Variants in STRBP observed in about 807,000 individuals in gnomAD.
STRBP encodes the protein spermatid perinuclear RNA-binding protein.
In STRBP, 13 loss-of-function variants were observed where a neutral mutation model predicts 80.1. That is an observed-to-expected ratio of 0.16 (90% CI 0.11 to 0.26). The LOEUF (loss-of-function observed/expected upper bound fraction) is 0.26, where lower values mean the gene tolerates loss of function less well. Ranked by LOEUF, STRBP falls within the 10% of genes least tolerant of loss-of-function variation. The pLI, the probability that STRBP is intolerant of heterozygous loss-of-function variation, is 1.00. For missense variants in STRBP, 485 were observed against 815.2 expected, an observed-to-expected ratio of 0.59 and a Z score of 4.93; for synonymous variants, 284 against 291.2, an observed-to-expected ratio of 0.98 and a Z score of 0.25.
chr9:123,157,046 G>A (rs1471979875), intron 11 of STRBP, among the ~76,000 whole-genome samples: 2 of 152,094 alleles, frequency 1.3e-5, no homozygotes, highest in Non-Finnish European at 2.9e-5. Flanking sequence ...TAAGAAAGAG[G>A]GTAATATCCC....
At chr9:123,175,283 CA>C (rs2038172968) in intron 4 of STRBP, among the ~76,000 whole-genome samples, 1 of 152,174 alleles carries the variant, frequency 6.6e-6, no homozygotes, top group African/African-American at 2.4e-5. Context: ...AGATGTCAAG[CA>C]AGGCAAACTG....
chr9:123,186,311 GC>G (rs2038696558), intron 2 of STRBP, among the ~76,000 whole-genome samples: 1 of 152,096 alleles, frequency 6.6e-6, no homozygotes, highest in Non-Finnish European at 1.5e-5. Flanking sequence ...ACACACCACT[GC>G]CCTCCAGCCT....
At chr9:123,147,301 G>C (rs1425468614) in intron 12 of STRBP, among the ~76,000 whole-genome samples, 2 of 152,028 alleles carry the variant, frequency 1.3e-5, no homozygotes, top group African/African-American at 4.8e-5. Context: ...AAGCAAAAAA[G>C]CTTGGAAACA....
At chr9:123,181,548 G>A in intron 3 of STRBP, among the ~76,000 whole-genome samples, 1 of 151,664 alleles carries the variant, frequency 6.6e-6, no homozygotes, top group Non-Finnish European at 1.5e-5. Context: ...TGTAATCCCA[G>A]CACTTTGGGA....
At chr9:123,218,427 T>G (rs892700673) in intron 2 of STRBP, among the ~76,000 whole-genome samples, 52 of 143,728 alleles carry the variant, frequency 3.6e-4, no homozygotes, top group African/African-American at 1.3e-3. Context: ...CGGACTGCAG[T>G]GGCGCAATCT....
intron 1 of STRBP, among the ~76,000 whole-genome samples, chr9:123,252,203 GT>G (rs1472433769): frequency 4.6e-5 from 7 of 152,118 alleles, no homozygotes; most frequent in Non-Finnish European, 1.5e-5. Flanking sequence ...TACAGATGAG[GT>G]TTTCCTGTAT....
Position 123,125,416 on chromosome 9 carries a change from T to A in STRBP, c.*181A>T, listed in dbSNP as rs1453904741. 1 of 1,246,240 alleles carries A rather than the reference T, an allele frequency of 8.0e-7. No homozygotes were observed. 77.2% of individuals were successfully genotyped at this position (1,246,240 alleles called of 1,614,324 possible). A position where few individuals can be genotyped will look rare whatever the true frequency, so the allele number is the denominator to read the frequency against. On this transcript the variant is annotated 3_prime_UTR_variant, in exon 19 of 19. Transcript: ENST00000348403. ...GTTTTCACAGAACTGGTTTCTTTTT[T>A]TTTTTTCAAGTTTTAGAGAACTAAA...
intron 2 of STRBP, among the ~76,000 whole-genome samples, chr9:123,189,101 C>A (rs2038817643): frequency 6.6e-6 from 1 of 152,052 alleles, no homozygotes; most frequent in African/African-American, 2.4e-5. Flanking sequence ...AAATGTGGCA[C>A]ATATACACCA....
chr9:123,234,190 G>A (rs2040481618), intron 2 of STRBP, among the ~76,000 whole-genome samples: 1 of 136,014 alleles, frequency 7.4e-6, no homozygotes, highest in South Asian at 2.3e-4. Context: ...GACAGAGCGA[G>A]ACGCCGTGTC....
intron 14 of STRBP, among the ~76,000 whole-genome samples, chr9:123,137,637 A>C (rs895114890): frequency 6.6e-6 from 1 of 152,070 alleles, no homozygotes; most frequent in Non-Finnish European, 1.5e-5. Flanking sequence ...CAAACTCCTG[A>C]CCTCAGGTGA....
intron 14 of STRBP, among the ~76,000 whole-genome samples, chr9:123,138,687 T>C (rs765088644): frequency 6.6e-6 from 1 of 152,232 alleles, no homozygotes; most frequent in Non-Finnish European, 1.5e-5. Flanking sequence ...TATCGCATTA[T>C]ATTACCATTT....
chr9:123,172,347 CTTTA>C (rs2038047715), intron 5 of STRBP, among the ~76,000 whole-genome samples: 1 of 152,122 alleles, frequency 6.6e-6, no homozygotes, highest in African/African-American at 2.4e-5. Context: ...GAAACGGGAA[CTTTA>C]TTAATATTCT....
chr9:123,150,763 G>A (rs561289935), intron 11 of STRBP, among the ~76,000 whole-genome samples: 40 of 152,040 alleles, frequency 2.6e-4, no homozygotes, highest in Non-Finnish European at 5.3e-4. Context: ...TAAGTTCAAG[G>A]TCCAAGCAGA....
intron 3 of STRBP, among the ~76,000 whole-genome samples, chr9:123,179,813 A>G (rs2038377261): frequency 6.6e-6 from 1 of 152,168 alleles, no homozygotes; most frequent in Admixed American, 6.5e-5. Flanking sequence ...ACTTCAACAA[A>G]TGTCATCCAC....
At chr9:123,153,991 A>G (rs1486877987) in intron 11 of STRBP, among the ~76,000 whole-genome samples, 1 of 152,222 alleles carries the variant, frequency 6.6e-6, no homozygotes, top group East Asian at 1.9e-4. Context: ...CTGGAAGTCA[A>G]ATGAAAAGTG....
chr9:123,189,959 G>A (rs188717261), intron 2 of STRBP, among the ~76,000 whole-genome samples: 4 of 152,252 alleles, frequency 2.6e-5, no homozygotes. Flanking sequence ...TTGGTAGCAT[G>A]GAGAATACAA....
chr9:123,128,193 T>G, intron 18 of STRBP, 21 bp downstream of exon 18: 2 of 1,613,990 alleles, frequency 1.2e-6, no homozygotes. Flanking sequence ...AGAGGAGATA[T>G]CAGTAAGATG....
intron 2 of STRBP, among the ~76,000 whole-genome samples, chr9:123,202,340 G>A (rs548194904): frequency 6.6e-6 from 1 of 152,106 alleles, no homozygotes; most frequent in Non-Finnish European, 1.5e-5. Flanking sequence ...TTCCACTTTG[G>A]TGTATATCAG....
intron 16 of STRBP, among the ~76,000 whole-genome samples, chr9:123,133,398 T>TA (rs1473357086): frequency 3.9e-5 from 6 of 152,122 alleles, no homozygotes; most frequent in Non-Finnish European, 7.4e-5. Context: ...GGGGAAAACA[T>TA]AAAGGACTAA....
Sources: allele counts gnomAD v4.1 joint callset (sites outside exome capture counted in the v4.1 genomes callset), GRCh38; gene constraint gnomAD v4.1.1; transcripts MANE v1.5; gene names NCBI Gene and HGNC (gene_info 2026-07-23, HGNC 2026-07-21).